The following BCL11B variants were observed in gnomAD, a reference collection of about 807,000 sequenced individuals.
The protein encoded by BCL11B is B-cell lymphoma/leukemia 11B.
A neutral mutation model predicts 49.9 loss-of-function variants in BCL11B; 8 were observed. That is an observed-to-expected ratio of 0.16 (90% CI 0.09 to 0.29). BCL11B has a LOEUF of 0.29. Ranked by LOEUF, BCL11B falls within the 10% of genes least tolerant of loss-of-function variation. The probability of loss-of-function intolerance (pLI) is 1.00; values close to 1 mark genes in which losing one functional copy is unlikely to be tolerated. For synonymous variants in BCL11B, 739 were observed against 637.4 expected (o/e 1.16, Z -2.40); for missense variants, 1,006 against 1,351.0 (o/e 0.74, Z 4.00).
At chr14:99,211,754 A>G (rs1174942831) in intron 3 of BCL11B, among the ~76,000 whole-genome samples, 2 of 152,142 alleles carry the variant, frequency 1.3e-5, no homozygotes, top group East Asian at 3.9e-4. Flanking sequence ...GGTTCACACC[A>G]AACTCCGCCC....
At chr14:99,239,573 T>C (rs893688302) in intron 2 of BCL11B, among the ~76,000 whole-genome samples, 14 of 152,168 alleles carry the variant, frequency 9.2e-5, no homozygotes, top group African/African-American at 2.7e-4. Flanking sequence ...AGAACTCACA[T>C]GTCACACAAG....
At chr14:99,215,236 A>C (rs527331679) in intron 3 of BCL11B, among the ~76,000 whole-genome samples, 1 of 152,308 alleles carries the variant, frequency 6.6e-6, no homozygotes, top group East Asian at 1.9e-4. Flanking sequence ...CAAATGTGTC[A>C]CTAACATCCC....
intron 3 of BCL11B, among the ~76,000 whole-genome samples, chr14:99,223,731 C>G (rs908836342): frequency 2.6e-5 from 4 of 152,172 alleles, no homozygotes; most frequent in East Asian, 3.9e-4. Flanking sequence ...CACGTGGATT[C>G]CAATGCAGTC....
At chr14:99,215,116 A>G (rs1174679768) in intron 3 of BCL11B, among the ~76,000 whole-genome samples, 1 of 148,774 alleles carries the variant, frequency 6.7e-6, no homozygotes, top group Non-Finnish European at 1.5e-5. Flanking sequence ...CCACCCTGCA[A>G]TGAAGAACAG....
rs1269711238 is a variant in BCL11B, at chr14:99,172,176, T to C, written c.*1975A>G. ...GAAAAAATTAGCCGTTGTTCCTGAA[T>C]TGTTTTTGTTTTGCTTTTCATTCAA... On this transcript the variant is annotated 3_prime_UTR_variant, in exon 4 of 4. Coordinates refer to ENST00000357195, the MANE Select transcript of BCL11B (RefSeq NM_138576.4). 9.0e-6 allele frequency: 2 copies of C among 223,296 alleles called. No individual in the cohort carries two copies. Among genetic ancestry groups the C allele is most frequent in the African/African-American group, 4.5e-5 (2 of 44,762 alleles). The allele number at this position is 223,296 out of a possible 1,614,324, so 13.8% of individuals were successfully genotyped here. A position where few individuals can be genotyped will look rare whatever the true frequency, so the allele number is the denominator to read the frequency against.
intron 2 of BCL11B, among the ~76,000 whole-genome samples, chr14:99,249,972 C>T (rs1888957106): frequency 1.3e-5 from 2 of 149,842 alleles, no homozygotes; most frequent in African/African-American, 4.9e-5. Context: ...ACTAAAACTA[C>T]AAAAATTAGC....
At chr14:99,209,839 G>T (rs956250826) in intron 3 of BCL11B, among the ~76,000 whole-genome samples, 1 of 152,070 alleles carries the variant, frequency 6.6e-6, no homozygotes, top group East Asian at 1.9e-4. Flanking sequence ...AAAATGCAGT[G>T]CTCAGGATGG....
At chr14:99,189,816 G>GT (rs1159807525) in intron 3 of BCL11B, among the ~76,000 whole-genome samples, 1 of 152,232 alleles carries the variant, frequency 6.6e-6, no homozygotes, top group Non-Finnish European at 1.5e-5. Context: ...CCCACACTGT[G>GT]TGGGAGCACC....
At chr14:99,199,679 TGTGTGCGCGCGCGCGCGCACGTGCAC>T (rs1219943409) in intron 3 of BCL11B, among the ~76,000 whole-genome samples, 4,614 of 69,480 alleles carry the variant, frequency 0.066, 107 homozygotes, top group African/African-American at 0.096. Context: ...TGTGTGTGTG[TGTGTGCGCGCGCGCGCGCACGTGCAC>T]GTGTGTGCGT....
chr14:99,173,723 C>G lies in BCL11B; in HGVS notation c.*428G>C, dbSNP rs915428823. 4.2e-6 allele frequency: 1 copy of G among 235,682 alleles called. No individual in the cohort carries two copies. Among genetic ancestry groups the G allele is most frequent in the Non-Finnish European group, 8.3e-6 (1 of 119,860 alleles). 14.6% of individuals were successfully genotyped at this position (235,682 alleles called of 1,614,324 possible). A position where few individuals can be genotyped will look rare whatever the true frequency, so the allele number is the denominator to read the frequency against. ...CTTAAATTTCAAAAAAGCAGCACCA[C>G]CCCTCCCCCCAAATTATAATTTAAA... On this transcript the variant is annotated 3_prime_UTR_variant, in exon 4 of 4. Transcript: ENST00000357195.
rs749539176 is a variant in BCL11B, at chr14:99,176,005, G to A, written c.831C>T (p.Ser277=). The change falls in exon 4 of 4, where the codon TCC becomes TCT. Residue 277 remains serine, a synonymous_variant. Transcript: ENST00000357195. ...TGTCGCCCAGGAAATTCATGAGCGG[G>A]GACTGCGCCACGGCCTCCGGCCCGA... ...PPLGPEAVAQ[S]PLMNFLGDSN... The A allele has an allele frequency of 1.8e-5, 28 of 1,545,350 alleles. No homozygotes were observed.
In BCL11B at chr14:99,271,769, A is replaced by T. The variant is rs956710094; in HGVS notation, c.-551T>A. On this transcript the variant is annotated 5_prime_UTR_variant, in exon 1 of 4. Transcript: ENST00000357195. ...CAAATAAAAAAATAAAAGAAGAAAA[A>T]GCAAAGGAAAAAAAAAAGCAAAGAA... 6.6e-6 allele frequency among the ~76,000 whole-genome samples: 1 copy of T among 151,928 alleles called. No individual in the cohort carries two copies. The highest frequency in any genetic ancestry group is 6.5e-5 in the Admixed American group (1 of 15,272).
chr14:99,194,633 C>A lies in BCL11B; in HGVS notation c.641-18438G>T, dbSNP rs984247487. On this transcript the variant is annotated intron_variant, in intron 3 of 3. Transcript: ENST00000357195. This position sits in a 1 kb window ranked among gnomAD's most constrained non-coding sequence, Gnocchi z 4.6. ...GTGAAAGGCCTTGTCTGCAAAATGGCCCCCAGAGGAAGCTAATATTTTCCC... is the reference window on the plus strand; with the variant it reads ...GTGAAAGGCCTTGTCTGCAAAATGGACCCCAGAGGAAGCTAATATTTTCCC... 6.6e-6 allele frequency among the ~76,000 whole-genome samples: 1 copy of A among 152,210 alleles called. No homozygotes were observed. Among genetic ancestry groups the A allele is most frequent in the South Asian group, 2.1e-4 (1 of 4,834 alleles).
intron 2 of BCL11B, among the ~76,000 whole-genome samples, chr14:99,246,436 G>C (rs374341952): frequency 6.6e-6 from 1 of 152,220 alleles, no homozygotes; most frequent in Admixed American, 6.5e-5. Context: ...ATCAGAGGCC[G>C]GCGGCCAGGC....
In BCL11B at chr14:99,194,036, C is replaced by A. The variant is rs1365314756; in HGVS notation, c.641-17841G>T. ...GTACTGGGGGTTTCAATGGTTTCTG[C>A]CAGACAATATGGGCCCAAAGCAAAT... is the stretch of plus-strand genomic sequence containing the variant. On this transcript the variant is annotated intron_variant, in intron 3 of 3. Transcript: ENST00000357195. This position sits in a 1 kb window ranked among gnomAD's most constrained non-coding sequence, Gnocchi z 4.6. Among the ~76,000 whole-genome samples, 3 of 152,124 alleles carry A rather than the reference C, an allele frequency of 2.0e-5. No individual in the cohort carries two copies. Among genetic ancestry groups the A allele is most frequent in the Non-Finnish European group, 4.4e-5 (3 of 68,034 alleles).
At position 99,205,650 on chromosome 14, in the gene BCL11B, C is replaced by T. The variant is rs1887514303; in HGVS notation, c.640+25695G>A. Among the ~76,000 whole-genome samples the T allele has an allele frequency of 6.6e-6, 1 of 152,126 alleles. No homozygotes were observed. Among genetic ancestry groups the T allele is most frequent in the African/African-American group, 2.4e-5 (1 of 41,412 alleles). On this transcript the variant is annotated intron_variant, in intron 3 of 3. Coordinates refer to ENST00000357195, the MANE Select transcript of BCL11B (RefSeq NM_138576.4). The surrounding 1 kb of genome is among the most constrained non-coding windows in gnomAD (Gnocchi z 5.0). ...TTTGAAGCATCCGCCCCCCTACCCC[C>T]CAGCTTTGTGGAATGAGGTCAGGAA...
intron 3 of BCL11B, among the ~76,000 whole-genome samples, chr14:99,209,141 C>T (rs1432712894): frequency 6.6e-6 from 1 of 152,168 alleles, no homozygotes; most frequent in African/African-American, 2.4e-5. Flanking sequence ...TGAGGTCTTA[C>T]AAGAGGCCCT....
At chr14:99,235,289 A>T (rs1283204461) in intron 2 of BCL11B, among the ~76,000 whole-genome samples, 2 of 152,096 alleles carry the variant, frequency 1.3e-5, no homozygotes, top group African/African-American at 2.4e-5. Flanking sequence ...CAATTGATAC[A>T]TTTTTTTAAG....
intron 3 of BCL11B, among the ~76,000 whole-genome samples, chr14:99,217,022 A>G (rs573679261): frequency 6.6e-6 from 1 of 152,316 alleles, no homozygotes; most frequent in African/African-American, 2.4e-5. Flanking sequence ...ATATGCTCTC[A>G]CATCTACACA....
Sources: allele counts gnomAD v4.1 joint callset (sites outside exome capture counted in the v4.1 genomes callset), GRCh38; gene constraint gnomAD v4.1.1; non-coding constraint Gnocchi (gnomAD v3.1); transcripts MANE v1.5; gene names NCBI Gene and HGNC (gene_info 2026-07-23, HGNC 2026-07-21).